The following PRKCG variants were observed in gnomAD, a reference collection of about 807,000 sequenced individuals.
PRKCG encodes protein kinase C gamma.
Under a neutral mutation model 82.0 loss-of-function variants are expected in PRKCG, and 28 were observed. The observed-to-expected ratio is 0.34, with a 90% CI of 0.25 to 0.47. PRKCG has a LOEUF of 0.47. Ranked by LOEUF, PRKCG falls within the 20% of genes least tolerant of loss-of-function variation. The probability of loss-of-function intolerance (pLI) is 1.00; values close to 1 mark genes in which losing one functional copy is unlikely to be tolerated. For missense variants in PRKCG, 640 were observed against 952.7 expected (o/e 0.67, Z 4.32); for synonymous variants, 383 against 376.6 (o/e 1.02, Z -0.20).
At chr19:53,888,847 G>A (rs2068650616) in intron 3 of PRKCG, among the ~76,000 whole-genome samples, 1 of 152,086 alleles carries the variant, frequency 6.6e-6, no homozygotes, top group Non-Finnish European at 1.5e-5. Context: ...GGGAGTTGGG[G>A]GGATGGGAAC....
At position 53,903,075 on chromosome 19, in the gene PRKCG, C is replaced by A. The variant is rs1174681451; in HGVS notation, c.1578C>A (p.Ile526=). The change falls in exon 15 of 18, where the codon ATC becomes ATA. Residue 526 remains isoleucine, a splice_region_variant and synonymous_variant. Transcript: ENST00000263431. The part of the protein sequence containing the change: ...CGTPDYIAPE[I]IAYQPYGKSV... Reference sequence around the variant, plus strand: ...TCCCTGCCTTCCACCTCCCCTAGATCATTGCCTACCAGCCCTATGGGAAGT... The same window carrying A: ...TCCCTGCCTTCCACCTCCCCTAGATAATTGCCTACCAGCCCTATGGGAAGT... 6.2e-7 allele frequency: 1 copy of A among 1,612,956 alleles called. No individual in the cohort carries two copies. The highest frequency in any genetic ancestry group is 1.7e-5 in the Admixed American group (1 of 59,966).
chr19:53,894,171 T>C (rs1039681492), intron 9 of PRKCG, among the ~76,000 whole-genome samples: 3 of 152,176 alleles, frequency 2.0e-5, no homozygotes, highest in Non-Finnish European at 4.4e-5. Flanking sequence ...GTTCACGCCA[T>C]TCTCCTGCAT....
intron 9 of PRKCG, among the ~76,000 whole-genome samples, chr19:53,895,818 G>A (rs2068713748): frequency 6.6e-6 from 1 of 152,162 alleles, no homozygotes; most frequent in Non-Finnish European, 1.5e-5. Flanking sequence ...CCAGCACTTT[G>A]GGAGGCCAAG....
At position 53,884,208 on chromosome 19, in the gene PRKCG, G is replaced by A. The variant is rs1185290761; in HGVS notation, c.250G>A (p.Glu84Lys). The change falls in exon 3 of 18, where the codon GAG (glutamate) becomes AAG (lysine). Residue 84 changes from glutamate to lysine, a missense_variant. Transcript: ENST00000263431. This position sits in a 1 kb window ranked among gnomAD's most constrained non-coding sequence, Gnocchi z 4.6. ...ACGATGCCACGAATTTGTGACCTTC[G>A]AGTGTCCAGGCGCTGGGAAGGGCCC... ...HRRCHEFVTF[E>K]CPGAGKGPQT... 1 of 1,614,066 alleles carries A rather than the reference G, an allele frequency of 6.2e-7. No individual in the cohort carries two copies. The highest frequency in any genetic ancestry group is 1.3e-5 in the African/African-American group (1 of 75,014).
At position 53,906,327 on chromosome 19, in the gene PRKCG, A is replaced by C; in HGVS notation, c.1775A>C (p.Lys592Thr). Residue 592 changes from lysine to threonine, a missense_variant, in exon 17 of 18, where the codon AAG becomes ACG. Lys to Thr is a moderately conservative substitution (Grantham distance 78, BLOSUM62 -1). Around this residue, in one of 7 missense-constraint regions of PRKCG, gnomAD observed 198 missense variants for 273.4 expected, o/e 0.72. Transcript: ENST00000263431. ...CTGTGTTTCCCACAGTTCCTGACCA[A>C]GCACCCAGGGAAGCGCCTGGGCTCA... ...AVAICKGFLT[K>T]HPGKRLGSGP... 1.3e-6 allele frequency: 2 copies of C among 1,551,258 alleles called. No individual in the cohort carries two copies. Among genetic ancestry groups the C allele is most frequent in the Non-Finnish European group, 1.7e-6 (2 of 1,146,944 alleles).
intron 9 of PRKCG, among the ~76,000 whole-genome samples, chr19:53,896,483 G>A (rs1430701071): frequency 6.6e-6 from 1 of 151,716 alleles, no homozygotes; most frequent in African/African-American, 2.4e-5. Flanking sequence ...GCAGTGGAGC[G>A]ATCTCAGCTC....
intron 11 of PRKCG, among the ~76,000 whole-genome samples, chr19:53,899,247 G>A (rs1413267727): frequency 6.6e-6 from 1 of 152,138 alleles, no homozygotes; most frequent in Non-Finnish European, 1.5e-5. Flanking sequence ...GTGGCCAGGT[G>A]GATGGGCTCT....
intron 17 of PRKCG, 102 bp from the exon 18 acceptor site, chr19:53,906,605 T>C: frequency 6.5e-7 from 1 of 1,538,858 alleles, no homozygotes. Flanking sequence ...GAAGCATGAA[T>C]AGAGATTCTG....
intron 9 of PRKCG, among the ~76,000 whole-genome samples, chr19:53,897,338 G>T (rs951939225): frequency 3.9e-5 from 6 of 152,120 alleles, no homozygotes; most frequent in Non-Finnish European, 8.8e-5. Context: ...CTTAGTCTTG[G>T]GCCCCCTCCC....
chr19:53,900,038 C>T lies in PRKCG; in HGVS notation c.1282-195C>T, dbSNP rs2068751287. Among the ~76,000 whole-genome samples the T allele has an allele frequency of 1.3e-5, 2 of 152,126 alleles. No homozygotes were observed. The highest frequency in any genetic ancestry group is 2.9e-5 in the Non-Finnish European group (2 of 68,018). On this transcript the variant is annotated intron_variant, in intron 11 of 17. Coordinates refer to ENST00000263431, the MANE Select transcript of PRKCG (RefSeq NM_002739.5). This position sits in a 1 kb window ranked among gnomAD's most constrained non-coding sequence, Gnocchi z 4.2. ...CCAGAACACGTGGTCTGATAGTTGG[C>T]GGTGGTCTGGCGGGTGGAGATTCTG...
At chr19:53,904,577 G>A in intron 15 of PRKCG, 58 bp from the exon 16 acceptor site, 1 of 1,494,316 alleles carries the variant, frequency 6.7e-7, no homozygotes, top group East Asian at 2.4e-5. Flanking sequence ...GGGTGTGGAA[G>A]GTTTGGGGAA....
chr19:53,886,357 G>A (rs537653744), intron 3 of PRKCG, among the ~76,000 whole-genome samples: 3 of 152,066 alleles, frequency 2.0e-5, no homozygotes, highest in East Asian at 3.9e-4. Flanking sequence ...ACCCACCTCG[G>A]CCTCCCAAAG....
Position 53,891,706 on chromosome 19 carries a change from C to G in PRKCG, c.562C>G (p.Pro188Ala), listed in dbSNP as rs1188835881. 1 of 1,614,062 alleles carries G rather than the reference C, an allele frequency of 6.2e-7. No individual in the cohort carries two copies. ...GGCCCGTAACCTAATTCCTATGGAC[C>G]CCAATGGTCTCTCTGATCCCTATGT... The part of the protein sequence containing the change: ...GEARNLIPMD[P>A]NGLSDPYVKL... The change falls in exon 6 of 18, where the codon CCC becomes GCC. Residue 188 changes from proline (P) to alanine (A), a missense_variant. Physicochemically the swap from Pro to Ala is conservative, Grantham distance 27. Around this residue, in one of 7 missense-constraint regions of PRKCG, gnomAD observed 261 missense variants for 312.1 expected, o/e 0.84. Coordinates refer to ENST00000263431, the MANE Select transcript of PRKCG (RefSeq NM_002739.5).
chr19:53,900,451 T>C lies in PRKCG; in HGVS notation c.1406T>C (p.Phe469Ser), dbSNP rs1350175702. ...GCGGCAGAAATCGCTATCGGCCTCTTCTTCCTTCACAATCAGGGCATCATC... is the reference window on the plus strand; with the variant it reads ...GCGGCAGAAATCGCTATCGGCCTCTCCTTCCTTCACAATCAGGGCATCATC... ...FYAAEIAIGL[F>S]FLHNQGIIYR... The change falls in exon 13 of 18, where the codon TTC becomes TCC. Residue 469 changes from phenylalanine (F) to serine (S), a missense_variant. Coordinates refer to ENST00000263431, the MANE Select transcript of PRKCG (RefSeq NM_002739.5). This position sits in a 1 kb window ranked among gnomAD's most constrained non-coding sequence, Gnocchi z 4.2. 1 of 1,614,172 alleles carries C rather than the reference T, an allele frequency of 6.2e-7. No individual in the cohort carries two copies. Among genetic ancestry groups the C allele is most frequent in the South Asian group, 1.1e-5 (1 of 91,088 alleles).
chr19:53,900,865 C>G lies in PRKCG; in HGVS notation c.1575+116C>G. The G allele has an allele frequency of 6.5e-7, 1 of 1,532,322 alleles. No individual in the cohort carries two copies. The highest frequency in any genetic ancestry group is 1.1e-5 in the South Asian group (1 of 88,958). The allele number at this position is 1,532,322 out of a possible 1,614,324, so 94.9% of individuals were successfully genotyped here. On this transcript the variant is annotated intron_variant, in intron 14 of 17. Coordinates refer to ENST00000263431, the MANE Select transcript of PRKCG (RefSeq NM_002739.5). This position sits in a 1 kb window ranked among gnomAD's most constrained non-coding sequence, Gnocchi z 4.2. ...CCTCAGACCTTGTCATGAGTTGTGG[C>G]CTTCTTACACAGCCAGTCGTTCCTC...
intron 14 of PRKCG, among the ~76,000 whole-genome samples, chr19:53,901,403 G>A (rs1462366975): frequency 6.6e-6 from 1 of 151,992 alleles, no homozygotes; most frequent in African/African-American, 2.4e-5. Context: ...AATTAGCCGG[G>A]CGTGGTGGCA....
chr19:53,901,900 G>A (rs1185255410), intron 14 of PRKCG, among the ~76,000 whole-genome samples: 7 of 151,778 alleles, frequency 4.6e-5, no homozygotes, highest in Non-Finnish European at 1.0e-4. Context: ...GATCCCTAAG[G>A]TTCTGGGAGA....
At position 53,906,449 on chromosome 19, in the gene PRKCG, C is replaced by A; in HGVS notation, c.1897C>A (p.Pro633Thr). 6.3e-7 allele frequency: 1 copy of A among 1,575,092 alleles called. No homozygotes were observed. The highest frequency in any genetic ancestry group is 8.6e-7 in the Non-Finnish European group (1 of 1,159,710). Residue 633 changes from proline (P) to threonine (T), a missense_variant, in exon 17 of 18, where the codon CCC (proline) becomes ACC (threonine). Pro to Thr is a conservative substitution (Grantham distance 38). Transcript: ENST00000263431. Reference sequence around the variant, plus strand: ...ATTGGAGATCCCGCCTCCTTTCAGACCCCGCCCGGTCAGTCACCCTCCAGG... The same window carrying A: ...ATTGGAGATCCCGCCTCCTTTCAGAACCCGCCCGGTCAGTCACCCTCCAGG... Reference protein sequence around the residue: ...ERLEIPPPFRPRPCGRSGENF... With the variant: ...ERLEIPPPFRTRPCGRSGENF...
At chr19:53,896,388 T>G (rs996310551) in intron 9 of PRKCG, among the ~76,000 whole-genome samples, 1 of 134,678 alleles carries the variant, frequency 7.4e-6, no homozygotes, top group African/African-American at 3.0e-5. Flanking sequence ...TTATTATTAT[T>G]ATTATTATTA....
Sources: allele counts gnomAD v4.1 joint callset (sites outside exome capture counted in the v4.1 genomes callset), GRCh38; gene constraint gnomAD v4.1.1; regional missense constraint gnomAD v4.1.1; non-coding constraint Gnocchi (gnomAD v3.1); transcripts MANE v1.5; gene names NCBI Gene and HGNC (gene_info 2026-07-23, HGNC 2026-07-21).